PTPRK: variants seen among roughly 807,000 people sequenced by gnomAD.
PTPRK encodes receptor-type tyrosine-protein phosphatase kappa.
Under a neutral mutation model 178.0 loss-of-function variants are expected in PTPRK, and 75 were observed. The observed-to-expected ratio is 0.42, with a 90% CI of 0.35 to 0.51. The LOEUF is 0.51. Among genes scored for constraint, PTPRK ranks in the 20% least tolerant of loss-of-function variants. PTPRK has a pLI of 0.02. For synonymous variants in PTPRK, 637 were observed against 620.6 expected, an observed-to-expected ratio of 1.03 and a Z score of -0.39; for missense variants, 1,441 against 1,797.8, an observed-to-expected ratio of 0.80 and a Z score of 3.59.
chr6:128,407,093 T>G (rs1296912754), intron 1 of PTPRK, among the ~76,000 whole-genome samples: 1 of 152,190 alleles, frequency 6.6e-6, no homozygotes, highest in Non-Finnish European at 1.5e-5. Flanking sequence ...GTCAATTAAT[T>G]TGAAAATTTC....
chr6:127,983,518 A>G, intron 22 of PTPRK, 141 bp from the exon 23 acceptor site: 1 of 802,264 alleles, frequency 1.2e-6, no homozygotes, highest in Non-Finnish European at 1.9e-6. Context: ...CCTGCTGTGT[A>G]AAAGCTTATT....
chr6:128,132,925 A>C (rs1414429641), intron 7 of PTPRK, among the ~76,000 whole-genome samples: 3 of 152,208 alleles, frequency 2.0e-5, no homozygotes, highest in Non-Finnish European at 2.9e-5. Context: ...TTCTAGTTAG[A>C]GAACAACTTT....
intron 11 of PTPRK, among the ~76,000 whole-genome samples, chr6:128,078,107 TC>T (rs1389588036): frequency 6.6e-6 from 1 of 151,882 alleles, no homozygotes; most frequent in Non-Finnish European, 1.5e-5. Context: ...TCTTCAAAGC[TC>T]TTATAACATA....
At chr6:128,118,945 C>T (rs189113683) in intron 7 of PTPRK, among the ~76,000 whole-genome samples, 336 of 152,268 alleles carry the variant, frequency 2.2e-3, no homozygotes, top group Non-Finnish European at 3.3e-3. Context: ...TGCCAGTTGA[C>T]TTCATTTACT....
intron 16 of PTPRK, among the ~76,000 whole-genome samples, chr6:127,997,728 T>A (rs114247151): frequency 6.6e-6 from 1 of 152,028 alleles, no homozygotes; most frequent in Non-Finnish European, 1.5e-5. Flanking sequence ...TCTGGCAGAA[T>A]AGTCTAATTC....
At chr6:128,093,878 GA>G (rs1267913729) in intron 7 of PTPRK, among the ~76,000 whole-genome samples, 2 of 150,770 alleles carry the variant, frequency 1.3e-5, no homozygotes, top group Non-Finnish European at 3.0e-5. Context: ...GTTAAGCTAA[GA>G]AAAAAAATAA....
At chr6:128,484,195 C>T (rs1218344866) in intron 1 of PTPRK, among the ~76,000 whole-genome samples, 1 of 152,090 alleles carries the variant, frequency 6.6e-6, no homozygotes, top group Non-Finnish European at 1.5e-5. Flanking sequence ...TTATTCATCA[C>T]CCTTGGTCCT....
chr6:128,164,188 CCA>C (rs1379159886), intron 7 of PTPRK, among the ~76,000 whole-genome samples: 3 of 151,100 alleles, frequency 2.0e-5, no homozygotes, highest in African/African-American at 7.3e-5. Context: ...AATATCTATA[CCA>C]AGATAAAGAT....
chr6:128,007,210 T>G (rs766835282), intron 14 of PTPRK, among the ~76,000 whole-genome samples: 4 of 150,830 alleles, frequency 2.7e-5, no homozygotes, highest in Non-Finnish European at 6.0e-5. Flanking sequence ...ACACGCTACA[T>G]ATGAGTAAAA....
intron 3 of PTPRK, among the ~76,000 whole-genome samples, chr6:128,315,489 C>T (rs1436800338): frequency 6.6e-6 from 1 of 151,932 alleles, no homozygotes; most frequent in Non-Finnish European, 1.5e-5. Flanking sequence ...GCAGAAATAA[C>T]ATGTAGTAGC....
chr6:128,330,885 C>CAAAAACA (rs112282432), intron 2 of PTPRK, among the ~76,000 whole-genome samples: 1 of 140,046 alleles, frequency 7.1e-6, no homozygotes, highest in Middle Eastern at 3.2e-3. Flanking sequence ...AAAACAAAAA[C>CAAAAACA]AAAACAAAAC....
At chr6:128,433,257 C>T (rs1418819027) in intron 1 of PTPRK, among the ~76,000 whole-genome samples, 3 of 152,196 alleles carry the variant, frequency 2.0e-5, no homozygotes, top group African/African-American at 7.2e-5. Flanking sequence ...CCCTCTTCAT[C>T]CCCGCTTTCC....
intron 7 of PTPRK, among the ~76,000 whole-genome samples, chr6:128,162,553 G>A (rs1798851771): frequency 6.6e-6 from 1 of 151,658 alleles, no homozygotes; most frequent in African/African-American, 2.4e-5. Context: ...ATAATTGATT[G>A]AATTGATTGT....
intron 1 of PTPRK, among the ~76,000 whole-genome samples, chr6:128,484,048 A>C (rs903585342): frequency 1.3e-5 from 2 of 152,066 alleles, no homozygotes; most frequent in Admixed American, 1.3e-4. Flanking sequence ...CCTCAGAAAC[A>C]TATCCTAGCT....
chr6:128,447,053 A>G (rs1847123504), intron 1 of PTPRK, among the ~76,000 whole-genome samples: 1 of 152,212 alleles, frequency 6.6e-6, no homozygotes, highest in Admixed American at 6.5e-5. Flanking sequence ...TACTTAGCAC[A>G]GTGCTTTGCA....
chr6:128,049,377 T>C (rs1487413229), intron 13 of PTPRK, among the ~76,000 whole-genome samples: 2 of 152,164 alleles, frequency 1.3e-5, no homozygotes, highest in Non-Finnish European at 2.9e-5. Flanking sequence ...GTTTTGTTTC[T>C]TAGTTTTAGT....
intron 7 of PTPRK, among the ~76,000 whole-genome samples, chr6:128,143,716 CTT>C (rs1014095364): frequency 6.6e-6 from 1 of 152,158 alleles, no homozygotes; most frequent in Non-Finnish European, 1.5e-5. Context: ...TCACTTCACT[CTT>C]TATCCAGCTT....
intron 5 of PTPRK, among the ~76,000 whole-genome samples, chr6:128,233,515 T>C (rs1050533414): frequency 6.6e-6 from 1 of 152,190 alleles, no homozygotes; most frequent in African/African-American, 2.4e-5. Flanking sequence ...GCAATTTGCA[T>C]CTCATTTTAC....
At chr6:128,469,296 A>G (rs1192234657) in intron 1 of PTPRK, among the ~76,000 whole-genome samples, 1 of 152,212 alleles carries the variant, frequency 6.6e-6, no homozygotes, top group East Asian at 1.9e-4. Flanking sequence ...ATTAATAAAG[A>G]ATGCACACAA....
Sources: gnomAD v4.1 joint callset for allele counts (sites outside exome capture counted in the v4.1 genomes callset) on GRCh38, gnomAD v4.1.1 for gene constraint, MANE v1.5 for transcripts, NCBI Gene and HGNC (gene_info 2026-07-23, HGNC 2026-07-21) for gene names.